The following SMYD3 variants were observed in gnomAD, a reference collection of about 807,000 sequenced individuals.
SMYD3 encodes the protein SET and MYND domain containing 3.
Under a neutral mutation model 57.7 loss-of-function variants are expected in SMYD3, and 36 were observed. The observed-to-expected ratio is 0.62, with a 90% CI of 0.48 to 0.82. The LOEUF is 0.82. Ranked by LOEUF, SMYD3 falls within the 40% of genes least tolerant of loss-of-function variation. The pLI, the probability that SMYD3 is intolerant of heterozygous loss-of-function variation, is 0.00. For missense variants in SMYD3, 515 were observed against 538.8 expected (o/e 0.96, Z 0.44); for synonymous variants, 211 against 195.0 (o/e 1.08, Z -0.68).
rs1257471428 is a variant in SMYD3, at chr1:246,002,320, G to T, written c.532-72383C>A. On this transcript the variant is annotated intron_variant, in intron 5 of 11. Coordinates refer to ENST00000490107, the MANE Select transcript of SMYD3 (RefSeq NM_001167740.2). ...CTGCCTCAGCCTCCCGAGTAGCTGG[G>T]ACTGCAGGCTCCCGCCACCACGCCC... 2.7e-5 allele frequency among the ~76,000 whole-genome samples: 2 copies of T among 74,916 alleles called. 1 individual carries two copies. The highest frequency in any genetic ancestry group is 7.1e-5 in the Non-Finnish European group (2 of 28,126). The allele number at this position is 74,916 out of a possible 152,430, so 49.1% of individuals were successfully genotyped here.
intron 10 of SMYD3, among the ~76,000 whole-genome samples, chr1:245,785,308 C>T (rs2046989905): frequency 6.6e-6 from 1 of 151,944 alleles, no homozygotes; most frequent in South Asian, 2.1e-4. Flanking sequence ...AATACAGGAG[C>T]ATTTAAAAAA....
intron 10 of SMYD3, among the ~76,000 whole-genome samples, chr1:245,835,715 G>A (rs2050073843): frequency 6.6e-6 from 1 of 152,120 alleles, no homozygotes; most frequent in Admixed American, 6.5e-5. Flanking sequence ...GCAGGGGCAG[G>A]GGACCTTTCT....
intron 10 of SMYD3, among the ~76,000 whole-genome samples, chr1:245,846,354 G>C (rs1249248087): frequency 6.6e-6 from 1 of 152,152 alleles, no homozygotes; most frequent in African/African-American, 2.4e-5. Flanking sequence ...GTGGATTTCT[G>C]TTACTTGTAT....
At chr1:246,153,939 A>G (rs1272035034) in intron 5 of SMYD3, among the ~76,000 whole-genome samples, 1 of 152,220 alleles carries the variant, frequency 6.6e-6, no homozygotes, top group Non-Finnish European at 1.5e-5. Context: ...TGACATCATT[A>G]GGCACTAAAT....
intron 4 of SMYD3, among the ~76,000 whole-genome samples, chr1:246,329,178 T>C (rs2065415486): frequency 1.3e-5 from 2 of 152,332 alleles, no homozygotes; most frequent in South Asian, 4.1e-4. Flanking sequence ...TATAGCAGCA[T>C]GATTTATAGT....
intron 5 of SMYD3, among the ~76,000 whole-genome samples, chr1:246,324,136 C>A (rs1005898218): frequency 6.6e-6 from 1 of 152,046 alleles, no homozygotes; most frequent in Non-Finnish European, 1.5e-5. Flanking sequence ...TAAAACTGGC[C>A]GGGTGCGGTA....
chr1:245,997,860 G>A (rs548951426), intron 5 of SMYD3, among the ~76,000 whole-genome samples: 3 of 152,180 alleles, frequency 2.0e-5, no homozygotes. Context: ...TGCTAAGTGT[G>A]TCTTCAAGCC....
chr1:245,920,283 A>G (rs977649525), intron 7 of SMYD3, among the ~76,000 whole-genome samples: 4 of 145,810 alleles, frequency 2.7e-5, no homozygotes, highest in Admixed American at 1.4e-4. Context: ...ACTGCACTCC[A>G]GCCTGGGCGA....
chr1:246,266,246 G>GAACT (rs2064104214), intron 5 of SMYD3, among the ~76,000 whole-genome samples: 1 of 152,060 alleles, frequency 6.6e-6, no homozygotes, highest in Non-Finnish European at 1.5e-5. Context: ...AACAGGGAAA[G>GAACT]AACTCTATTG....
intron 5 of SMYD3, among the ~76,000 whole-genome samples, chr1:246,071,341 A>G (rs2060438935): frequency 6.6e-6 from 1 of 152,218 alleles, no homozygotes; most frequent in Non-Finnish European, 1.5e-5. Context: ...GGACGGTGGG[A>G]GAAAACAGGG....
At chr1:245,891,196 A>G (rs1322203213) in intron 8 of SMYD3, among the ~76,000 whole-genome samples, 1 of 152,226 alleles carries the variant, frequency 6.6e-6, no homozygotes, top group African/African-American at 2.4e-5. Flanking sequence ...TTTACTGTAC[A>G]TTTAAAAATT....
intron 10 of SMYD3, among the ~76,000 whole-genome samples, chr1:245,812,614 C>A (rs1015086441): frequency 1.3e-5 from 2 of 150,936 alleles, no homozygotes; most frequent in Non-Finnish European, 2.9e-5. Flanking sequence ...AGGAAACCAA[C>A]CCCTGGTCAG....
intron 5 of SMYD3, among the ~76,000 whole-genome samples, chr1:246,083,225 C>T (rs867844932): frequency 4.6e-5 from 7 of 152,056 alleles, no homozygotes; most frequent in Non-Finnish European, 7.4e-5. Flanking sequence ...GTGTAAAACC[C>T]GATTGTATAT....
In SMYD3 at chr1:245,959,859, G is replaced by C. The variant is rs368321896; in HGVS notation, c.532-29922C>G. On this transcript the variant is annotated intron_variant, in intron 5 of 11. Coordinates refer to ENST00000490107, the MANE Select transcript of SMYD3 (RefSeq NM_001167740.2). The stretch of plus-strand genomic sequence containing the variant: ...GGTAGTGCCGTCACAGCTCACTGTG[G>C]CCTGGACCTCCCAGGCTCAAGTGAT... Among the ~76,000 whole-genome samples the C allele has an allele frequency of 3.3e-5, 5 of 152,194 alleles. No homozygotes were observed. In the East Asian group the frequency reaches 9.7e-4, roughly 30 times the overall value.
chr1:246,250,218 C>T (rs1474429863), intron 5 of SMYD3, among the ~76,000 whole-genome samples: 1 of 152,212 alleles, frequency 6.6e-6, no homozygotes, highest in Non-Finnish European at 1.5e-5. Flanking sequence ...CCTGTGATGA[C>T]TGTGACTGCT....
chr1:246,027,181 C>T (rs1473039267), intron 5 of SMYD3, among the ~76,000 whole-genome samples: 1 of 152,148 alleles, frequency 6.6e-6, no homozygotes, highest in Non-Finnish European at 1.5e-5. Context: ...TGGAAAGTAG[C>T]AGAGGTTGGT....
intron 1 of SMYD3, among the ~76,000 whole-genome samples, chr1:246,375,896 A>G (rs1249401038): frequency 4.0e-5 from 6 of 151,716 alleles, no homozygotes; most frequent in Admixed American, 6.6e-5. Flanking sequence ...CGCCTGGCTC[A>G]TTTTTGTATT....
intron 5 of SMYD3, among the ~76,000 whole-genome samples, chr1:245,933,438 AC>A (rs2056834446): frequency 1.3e-5 from 2 of 152,212 alleles, no homozygotes; most frequent in African/African-American, 2.4e-5. Flanking sequence ...AGTTATATTT[AC>A]TTTCTGTAAT....
intron 10 of SMYD3, among the ~76,000 whole-genome samples, chr1:245,816,829 G>A (rs1468777706): frequency 4.6e-5 from 7 of 152,172 alleles, no homozygotes; most frequent in African/African-American, 1.4e-4. Flanking sequence ...CGAATATTGC[G>A]CTTTTCGGAC....
Sources: allele counts gnomAD v4.1 joint callset (sites outside exome capture counted in the v4.1 genomes callset), GRCh38; gene constraint gnomAD v4.1.1; transcripts MANE v1.5; gene names NCBI Gene and HGNC (gene_info 2026-07-23, HGNC 2026-07-21).